The following FBXL17 variants were observed in gnomAD, a reference collection of about 807,000 sequenced individuals.
FBXL17 encodes F-box and leucine rich repeat protein 17, also known as F-box/LRR-repeat protein 17.
In FBXL17, 22 loss-of-function variants were observed where a neutral mutation model predicts 66.2. The ratio of observed to expected loss-of-function variants is 0.33; its 90% CI spans 0.24 to 0.47. The LOEUF (loss-of-function observed/expected upper bound fraction) is 0.47. Ranked by LOEUF, FBXL17 falls within the 20% of genes least tolerant of loss-of-function variation. FBXL17 has a pLI of 1.00. For missense variants in FBXL17, 878 were observed against 948.2 expected (o/e 0.93, Z 0.97); for synonymous variants, 474 against 400.5 (o/e 1.18, Z -2.19).
At chr5:108,078,229 A>T (rs1195590499) in intron 6 of FBXL17, among the ~76,000 whole-genome samples, 1 of 152,132 alleles carries the variant, frequency 6.6e-6, no homozygotes, top group Non-Finnish European at 1.5e-5. Context: ...GGAGTAAGAG[A>T]CTGATTCAAG....
chr5:108,210,654 G>T (rs1228425644), intron 5 of FBXL17, among the ~76,000 whole-genome samples: 2 of 152,186 alleles, frequency 1.3e-5, no homozygotes, highest in Non-Finnish European at 2.9e-5. Flanking sequence ...GTTCTAATTT[G>T]ATTGCACTGT....
intron 4 of FBXL17, among the ~76,000 whole-genome samples, chr5:108,270,866 G>C (rs1757238994): frequency 6.6e-6 from 1 of 151,850 alleles, no homozygotes; most frequent in South Asian, 2.1e-4. Context: ...TATGAGGAGG[G>C]GGGAAAACCA....
At chr5:108,128,559 T>A (rs751598593) in intron 6 of FBXL17, among the ~76,000 whole-genome samples, 1 of 152,152 alleles carries the variant, frequency 6.6e-6, no homozygotes. Flanking sequence ...CTGGGGCACA[T>A]AGAAACTCTA....
intron 7 of FBXL17, among the ~76,000 whole-genome samples, chr5:107,937,703 G>C (rs913645477): frequency 3.3e-5 from 5 of 152,084 alleles, no homozygotes; most frequent in Non-Finnish European, 5.9e-5. Flanking sequence ...CGAATGGTAG[G>C]TGTGCAGTGA....
intron 8 of FBXL17, among the ~76,000 whole-genome samples, chr5:107,877,751 G>A (rs1465349949): frequency 6.6e-6 from 1 of 151,974 alleles, no homozygotes; most frequent in Non-Finnish European, 1.5e-5. Flanking sequence ...CTCCACTGGT[G>A]TGCAGAAACA....
chr5:107,981,395 G>C (rs1284232814), intron 7 of FBXL17, among the ~76,000 whole-genome samples: 1 of 152,216 alleles, frequency 6.6e-6, no homozygotes, highest in Non-Finnish European at 1.5e-5. Flanking sequence ...TGTTTACATG[G>C]AGTGACCACA....
At chr5:108,206,623 G>A (rs1246249351) in intron 5 of FBXL17, among the ~76,000 whole-genome samples, 1 of 150,210 alleles carries the variant, frequency 6.7e-6, no homozygotes, top group Non-Finnish European at 1.5e-5. Context: ...AGATGAAACA[G>A]AACTCTTTTT....
intron 7 of FBXL17, among the ~76,000 whole-genome samples, chr5:107,922,024 T>C (rs1750340002): frequency 6.6e-6 from 1 of 152,178 alleles, no homozygotes; most frequent in Non-Finnish European, 1.5e-5. Flanking sequence ...ACACAAGTAC[T>C]AAGCGATGTT....
intron 4 of FBXL17, among the ~76,000 whole-genome samples, chr5:108,250,478 C>T (rs1756301063): frequency 6.6e-6 from 1 of 152,040 alleles, no homozygotes; most frequent in Admixed American, 6.6e-5. Flanking sequence ...CATCTATGCT[C>T]ACTGAAAACA....
chr5:108,183,736 A>T (rs1341976096), intron 6 of FBXL17, among the ~76,000 whole-genome samples: 2 of 152,038 alleles, frequency 1.3e-5, no homozygotes, highest in Admixed American at 6.6e-5. Flanking sequence ...CCTCACTTGG[A>T]GTTCCCATGT....
intron 6 of FBXL17, among the ~76,000 whole-genome samples, chr5:108,145,176 A>G (rs1016426998): frequency 2.6e-5 from 4 of 152,230 alleles, no homozygotes; most frequent in African/African-American, 9.6e-5. Context: ...ATTGAGGAAT[A>G]TAATTTAGAT....
At chr5:107,950,558 T>C (rs985974357) in intron 7 of FBXL17, among the ~76,000 whole-genome samples, 1 of 152,200 alleles carries the variant, frequency 6.6e-6, no homozygotes, top group Non-Finnish European at 1.5e-5. Context: ...TGTACAAATA[T>C]GCCATTCCGT....
chr5:108,006,973 G>A (rs1240721038), intron 7 of FBXL17, among the ~76,000 whole-genome samples: 4 of 152,244 alleles, frequency 2.6e-5, no homozygotes, highest in South Asian at 2.1e-4. Context: ...CATCAGGAGC[G>A]TTCTTAAAAG....
intron 4 of FBXL17, among the ~76,000 whole-genome samples, chr5:108,291,599 A>G (rs544579889): frequency 1.3e-5 from 2 of 152,324 alleles, no homozygotes; most frequent in African/African-American, 2.4e-5. Context: ...GAAAATAATG[A>G]AGTGAGTTTG....
Position 108,034,560 on chromosome 5 carries a change from G to A in FBXL17, c.1746-13559C>T, listed in dbSNP as rs139257469. The stretch of plus-strand genomic sequence containing the variant: ...TTTTTACTATTTCTAATTAATACTT[G>A]AGTAAATTGCTCAATTTTAAGAAAC... On this transcript the variant is annotated intron_variant, in intron 6 of 8. Coordinates refer to ENST00000542267, the MANE Select transcript of FBXL17 (RefSeq NM_001163315.3). 7.2e-3 allele frequency among the ~76,000 whole-genome samples: 1,099 copies of A among 151,900 alleles called. 8 individuals carry two copies. The highest frequency in any genetic ancestry group is 0.023 in the African/African-American group (940 of 41,452).
At chr5:108,179,246 C>T (rs1314503844) in intron 6 of FBXL17, among the ~76,000 whole-genome samples, 6 of 152,122 alleles carry the variant, frequency 3.9e-5, no homozygotes, top group East Asian at 1.9e-4. Context: ...ATTGAATCAA[C>T]GGAAATTTGA....
intron 7 of FBXL17, among the ~76,000 whole-genome samples, chr5:107,900,457 T>G (rs1389815969): frequency 6.6e-6 from 1 of 152,160 alleles, no homozygotes; most frequent in Non-Finnish European, 1.5e-5. Flanking sequence ...AGAAATGCAA[T>G]TTATCCTTGG....
At chr5:108,262,880 C>A (rs1756895898) in intron 4 of FBXL17, among the ~76,000 whole-genome samples, 1 of 152,126 alleles carries the variant, frequency 6.6e-6, no homozygotes, top group Non-Finnish European at 1.5e-5. Flanking sequence ...CCATTACTAC[C>A]TATTTATAAT....
At chr5:108,074,053 C>A (rs1304475346) in intron 6 of FBXL17, among the ~76,000 whole-genome samples, 1 of 152,216 alleles carries the variant, frequency 6.6e-6, no homozygotes, top group African/African-American at 2.4e-5. Context: ...ACCACCATTA[C>A]CTGTTTTGGG....
Sources: gnomAD v4.1 joint callset for allele counts (sites outside exome capture counted in the v4.1 genomes callset) on GRCh38, gnomAD v4.1.1 for gene constraint, MANE v1.5 for transcripts, NCBI Gene and HGNC (gene_info 2026-07-23, HGNC 2026-07-21) for gene names.